Variants in CYFIP1 observed in about 807,000 individuals in gnomAD.
CYFIP1 encodes the protein cytoplasmic FMR1-interacting protein 1.
Under a neutral mutation model 163.5 loss-of-function variants are expected in CYFIP1, and 58 were observed. That is an observed-to-expected ratio of 0.35 (90% confidence interval 0.29 to 0.44). The LOEUF (loss-of-function observed/expected upper bound fraction) is 0.44, where lower values mean the gene tolerates loss of function less well. Ranked by LOEUF, CYFIP1 falls within the 20% of genes least tolerant of loss-of-function variation. CYFIP1 has a pLI of 1.00. For missense variants in CYFIP1, 1,338 were observed against 1,653.8 expected (o/e 0.81, Z 3.31); for synonymous variants, 663 against 660.7 (o/e 1.00, Z -0.05).
intron 9 of CYFIP1, among the ~76,000 whole-genome samples, chr15:22,936,217 G>A (rs2061705632): frequency 6.6e-6 from 1 of 152,144 alleles, no homozygotes; most frequent in African/African-American, 2.4e-5. Flanking sequence ...CAGCCTGGAT[G>A]ACAGAGCGAG....
At chr15:22,969,143 T>C (rs909062450) in intron 1 of CYFIP1, among the ~76,000 whole-genome samples, 12 of 151,966 alleles carry the variant, frequency 7.9e-5, no homozygotes, top group African/African-American at 2.7e-4. Context: ...TTTTTCCCCC[T>C]CCCCTGTGAT....
intron 1 of CYFIP1, among the ~76,000 whole-genome samples, chr15:22,970,389 A>G (rs1432371674): frequency 5.3e-5 from 8 of 152,218 alleles, no homozygotes; most frequent in African/African-American, 1.7e-4. Context: ...TAAAGACTCA[A>G]TGCAATCCCT....
chr15:22,961,660 A>C (rs57863897), intron 1 of CYFIP1, among the ~76,000 whole-genome samples: 39,043 of 151,996 alleles, frequency 0.26, 5,511 homozygotes, highest in African/African-American at 0.36. Flanking sequence ...AAATTACAGG[A>C]ACGAGCCACT....
Position 22,868,708 on chromosome 15 carries a change from T to C in CYFIP1, c.*1320A>G, listed in dbSNP as rs187985430. ...CTACTTTTCTGTGCCGTGCATCATA[T>C]GCTTCTGGACAGTTTCCAAAGGCCT... On this transcript the variant is annotated 3_prime_UTR_variant, in exon 31 of 31. Transcript: ENST00000617928. 2 of 152,338 alleles carry C rather than the reference T, an allele frequency of 1.3e-5. No homozygotes were observed. The highest frequency in any genetic ancestry group is 4.8e-5 in the African/African-American group (2 of 41,578). The allele number at this position is 152,338 out of a possible 1,614,324, so 9.4% of individuals were successfully genotyped here.
chr15:22,932,602 T>C (rs1241655393), intron 10 of CYFIP1, among the ~76,000 whole-genome samples: 1 of 152,202 alleles, frequency 6.6e-6, no homozygotes, highest in African/African-American at 2.4e-5. Context: ...GTCAAAATCA[T>C]GGCTGAATGG....
chr15:22,903,972 T>C (rs571175247), intron 21 of CYFIP1, 67 bp from the exon 22 acceptor site: 13 of 1,463,352 alleles, frequency 8.9e-6, no homozygotes, highest in Middle Eastern at 1.7e-4. Context: ...CCGAGTGGCC[T>C]CTGATCCCAC....
intron 21 of CYFIP1, 150 bp from the exon 22 acceptor site, chr15:22,904,055 G>GAC: frequency 1.4e-6 from 1 of 702,104 alleles, no homozygotes; most frequent in East Asian, 2.7e-5. Context: ...CAGGTGACAT[G>GAC]AGCTTGCTTC....
chr15:22,875,160 G>A (rs1181187233), intron 27 of CYFIP1, 39 bp downstream of exon 27: 1 of 1,598,388 alleles, frequency 6.3e-7, no homozygotes, highest in Admixed American at 1.7e-5. Flanking sequence ...CCCCCACAGA[G>A]GGCAGTCTGG....
chr15:22,921,764 C>CAAAAAA (rs35027433), intron 13 of CYFIP1, among the ~76,000 whole-genome samples: 2 of 58,162 alleles, frequency 3.4e-5, no homozygotes, highest in Non-Finnish European at 3.4e-5. Context: ...GACTCTGTCT[C>CAAAAAA]AAAAAAAAAA....
Position 22,868,031 on chromosome 15 carries a change from G to A in CYFIP1, c.*1997C>T, listed in dbSNP as rs531895585. The A allele has an allele frequency of 6.6e-6, 1 of 152,368 alleles. No homozygotes were observed. Among genetic ancestry groups the A allele is most frequent in the East Asian group, 1.9e-4 (1 of 5,186 alleles). 9.4% of individuals were successfully genotyped at this position (152,368 alleles called of 1,614,324 possible). On this transcript the variant is annotated 3_prime_UTR_variant, in exon 31 of 31. Coordinates refer to ENST00000617928, the MANE Select transcript of CYFIP1 (RefSeq NM_014608.6). ...GGTGATGGGAAGAAAGTGTTCGCCT[G>A]TTCCAGCCTGTGGCTCCTGCCTGGA...
intron 22 of CYFIP1, among the ~76,000 whole-genome samples, chr15:22,894,582 G>A (rs1193632025): frequency 5.3e-5 from 8 of 151,584 alleles, no homozygotes; most frequent in East Asian, 1.9e-4. Flanking sequence ...GAGCCACCAC[G>A]CCCGGCCTAG....
At chr15:22,952,506 T>C (rs992846840) in intron 1 of CYFIP1, among the ~76,000 whole-genome samples, 1 of 151,308 alleles carries the variant, frequency 6.6e-6, no homozygotes, top group Non-Finnish European at 1.5e-5. Context: ...ATACAAAAAA[T>C]TAGCTGGGCA....
intron 9 of CYFIP1, among the ~76,000 whole-genome samples, chr15:22,936,714 C>T (rs1440334505): frequency 6.6e-6 from 1 of 152,206 alleles, no homozygotes; most frequent in East Asian, 1.9e-4. Context: ...AACTTGGGAA[C>T]ATCCGAGAGC....
intron 10 of CYFIP1, 125 bp downstream of exon 10, chr15:22,933,677 G>C: frequency 1.4e-6 from 1 of 695,476 alleles, no homozygotes; most frequent in African/African-American, 1.8e-5. Context: ...TGCAATACTG[G>C]ACATTTAATT....
chr15:22,917,543 T>G lies in CYFIP1; in HGVS notation c.1674+245A>C. ...TGTGCCCACATTTTTGGGATGGGAGTTGAAATGGAGTCAGACTCCTTTTTA... is the reference window on the plus strand; with the variant it reads ...TGTGCCCACATTTTTGGGATGGGAGGTGAAATGGAGTCAGACTCCTTTTTA... On this transcript the variant is annotated intron_variant, in intron 15 of 30. Coordinates refer to ENST00000617928, the MANE Select transcript of CYFIP1 (RefSeq NM_014608.6). This position sits in a 1 kb window ranked among gnomAD's most constrained non-coding sequence, Gnocchi z 4.2. 1.8e-6 allele frequency: 1 copy of G among 553,186 alleles called. No homozygotes were observed. Among genetic ancestry groups the G allele is most frequent in the South Asian group, 3.0e-5 (1 of 33,682 alleles). The allele number at this position is 553,186 out of a possible 1,614,324, so 34.3% of individuals were successfully genotyped here.
intron 1 of CYFIP1, among the ~76,000 whole-genome samples, chr15:22,965,535 G>A (rs2062874611): frequency 6.6e-6 from 1 of 152,172 alleles, no homozygotes; most frequent in African/African-American, 2.4e-5. Flanking sequence ...CTCTAGCGTG[G>A]AGCCTAGGCG....
intron 13 of CYFIP1, among the ~76,000 whole-genome samples, chr15:22,925,417 G>A (rs529474143): frequency 1.3e-5 from 2 of 152,282 alleles, no homozygotes; most frequent in East Asian, 3.9e-4. Flanking sequence ...CAGCTACAAA[G>A]GTGGCAGCGT....
intron 1 of CYFIP1, among the ~76,000 whole-genome samples, chr15:22,952,526 G>T (rs1030477014): frequency 6.6e-6 from 1 of 151,610 alleles, no homozygotes; most frequent in Admixed American, 6.6e-5. Flanking sequence ...ATAGTGACAG[G>T]TGCCTGTAAT....
chr15:22,921,595 C>T (rs2061179486), intron 13 of CYFIP1, among the ~76,000 whole-genome samples: 1 of 151,118 alleles, frequency 6.6e-6, no homozygotes, highest in Non-Finnish European at 1.5e-5. Flanking sequence ...GAGGGTGGAT[C>T]ACTTGAGGTC....
Sources: gnomAD v4.1 joint callset for allele counts (sites outside exome capture counted in the v4.1 genomes callset) on GRCh38, gnomAD v4.1.1 for gene constraint, Gnocchi (gnomAD v3.1) non-coding constraint, MANE v1.5 for transcripts, NCBI Gene and HGNC (gene_info 2026-07-23, HGNC 2026-07-21) for gene names.